The following KCNN2 variants were observed in gnomAD, a reference collection of about 807,000 sequenced individuals.
The protein encoded by KCNN2 is potassium calcium-activated channel subfamily N member 2.
KCNN2 carries 24 observed loss-of-function variants against 55.5 expected under a neutral mutation model. That is an observed-to-expected ratio of 0.43 (90% CI 0.31 to 0.61). The LOEUF (loss-of-function observed/expected upper bound fraction) is 0.61. KCNN2 is among the 20% of genes least tolerant of loss of function. The probability of loss-of-function intolerance (pLI) is 0.08; values close to 1 mark genes in which losing one functional copy is unlikely to be tolerated. For synonymous variants in KCNN2, 431 were observed against 336.1 expected (o/e 1.28, Z -3.09); for missense variants, 754 against 853.6 (o/e 0.88, Z 1.45).
intron 2 of KCNN2, among the ~76,000 whole-genome samples, chr5:114,336,711 T>C (rs952201401): frequency 6.6e-6 from 1 of 152,152 alleles, no homozygotes; most frequent in African/African-American, 2.4e-5. Context: ...AAATGCCTCT[T>C]TGAGAATGTA....
chr5:114,183,616 A>T (rs1753277615), intron 1 of KCNN2, among the ~76,000 whole-genome samples: 1 of 151,992 alleles, frequency 6.6e-6, no homozygotes, highest in African/African-American at 2.4e-5. Flanking sequence ...TAAGTGTTGA[A>T]TTTGCAGTGT....
intron 2 of KCNN2, 58 bp from the exon 3 acceptor site, chr5:114,404,380 T>G: frequency 7.1e-7 from 1 of 1,405,264 alleles, no homozygotes; most frequent in Non-Finnish European, 9.8e-7. Context: ...AAATCTGCAC[T>G]AACACTTGTG....
intron 2 of KCNN2, among the ~76,000 whole-genome samples, chr5:114,266,670 T>C (rs1755212402): frequency 6.6e-6 from 1 of 152,182 alleles, no homozygotes; most frequent in Non-Finnish European, 1.5e-5. Context: ...ATCCTGGGAC[T>C]GGGAGTGGGG....
Position 114,145,116 on chromosome 5 carries a change from G to A in KCNN2, c.-270-76364G>A, listed in dbSNP as rs573074785. 2.1e-4 allele frequency among the ~76,000 whole-genome samples: 32 copies of A among 152,304 alleles called. No individual in the cohort carries two copies. In the South Asian group the frequency reaches 5.0e-3, roughly 24 times the overall value. ...GGGAACAATGAGCCTTGGCTTTGGAGGGGCAACCCCTGCCCCTTTCCACTT... is the reference window on the plus strand; with the variant it reads ...GGGAACAATGAGCCTTGGCTTTGGAAGGGCAACCCCTGCCCCTTTCCACTT... On this transcript the variant is annotated intron_variant, in intron 1 of 10. Transcript: ENST00000512097.
intron 6 of KCNN2, among the ~76,000 whole-genome samples, chr5:114,490,280 A>G (rs1249276603): frequency 6.6e-6 from 1 of 152,184 alleles, no homozygotes; most frequent in Non-Finnish European, 1.5e-5. Context: ...AGTTGTCCTA[A>G]TTTGGAAAAG....
chr5:114,357,736 T>C (rs1354413608), upstream of KCNN2, among the ~76,000 whole-genome samples: 2 of 137,936 alleles, frequency 1.4e-5, no homozygotes, highest in African/African-American at 2.8e-5. Flanking sequence ...TCTTTGCTAT[T>C]GTGAATAATG....
At chr5:114,471,487 C>T (rs1334278807) in intron 4 of KCNN2, among the ~76,000 whole-genome samples, 10 of 152,056 alleles carry the variant, frequency 6.6e-5, no homozygotes, top group East Asian at 1.9e-4. Context: ...TTCATGTATA[C>T]GGAACCCATG....
At chr5:114,242,738 G>A (rs765667401) in intron 2 of KCNN2, among the ~76,000 whole-genome samples, 68 of 152,258 alleles carry the variant, frequency 4.5e-4, no homozygotes, top group Admixed American at 7.8e-4. Context: ...GAATAGAAAA[G>A]TATATTACTA....
rs772670260 is a variant in KCNN2, at chr5:114,362,857, G to A, written c.718G>A (p.Asp240Asn). 5.6e-6 allele frequency: 9 copies of A among 1,599,892 alleles called. No individual in the cohort carries two copies. The East Asian group carries it at 2.0e-4, about 36-fold the overall frequency. Reference protein sequence around the residue: ...SASRRNLHEMDSEAQPLQPPA... With the variant: ...SASRRNLHEMNSEAQPLQPPA... ...GTCCCGCCGGAACCTGCACGAGATG[G>A]ACTCAGAGGCGCAGCCCCTGCAGCC... The change falls in exon 1 of 8, where the codon GAC becomes AAC. Residue 240 changes from aspartate (D) to asparagine (N), a missense_variant. Transcript: ENST00000673685.
chr5:114,109,225 G>A (rs76681766), intron 1 of KCNN2, among the ~76,000 whole-genome samples: 1 of 152,022 alleles, frequency 6.6e-6, no homozygotes, highest in Non-Finnish European at 1.5e-5. Flanking sequence ...CTGTCTGAAG[G>A]CTGCTTTGAG....
At chr5:114,319,685 A>G (rs926189103) in intron 2 of KCNN2, among the ~76,000 whole-genome samples, 1 of 152,242 alleles carries the variant, frequency 6.6e-6, no homozygotes, top group African/African-American at 2.4e-5. Context: ...ATCTGAATGT[A>G]ATATAACACA....
chr5:114,192,198 G>A (rs1392131488), intron 1 of KCNN2, among the ~76,000 whole-genome samples: 1 of 152,142 alleles, frequency 6.6e-6, no homozygotes, highest in Non-Finnish European at 1.5e-5. Flanking sequence ...ATTACTAAAT[G>A]ATACTCACAT....
At chr5:114,173,196 C>T (rs971533522) in intron 1 of KCNN2, among the ~76,000 whole-genome samples, 5 of 151,934 alleles carry the variant, frequency 3.3e-5, no homozygotes, top group African/African-American at 1.2e-4. Context: ...TGTCTTTTCC[C>T]CAACATATGT....
intron 3 of KCNN2, among the ~76,000 whole-genome samples, chr5:114,415,744 T>C (rs1353228455): frequency 6.6e-6 from 1 of 152,230 alleles, no homozygotes; most frequent in Non-Finnish European, 1.5e-5. Flanking sequence ...ATTTGTCTTA[T>C]TAAATTTTAA....
chr5:114,062,388 C>T (rs2112512090), intron 1 of KCNN2, among the ~76,000 whole-genome samples: 1 of 152,286 alleles, frequency 6.6e-6, no homozygotes, highest in South Asian at 2.1e-4. Context: ...CCTCCACAGA[C>T]CTGTTACCAC....
At position 114,313,290 on chromosome 5, in the gene KCNN2, G is replaced by A. The variant is rs567367588; in HGVS notation, c.-184-47655G>A. Among the ~76,000 whole-genome samples the A allele has an allele frequency of 9.9e-5, 15 of 152,104 alleles. No homozygotes were observed. The East Asian group carries it at 2.7e-3, about 27-fold the overall frequency. Reference sequence around the variant, plus strand: ...AGAATCCTCAGTTATTAACTTCAAGGAACATTTAATTCCCCCCTCCACACA... The same window carrying A: ...AGAATCCTCAGTTATTAACTTCAAGAAACATTTAATTCCCCCCTCCACACA... On this transcript the variant is annotated intron_variant, in intron 2 of 10. Transcript: ENST00000512097.
rs147613566 is a variant in KCNN2, at chr5:114,459,564, A to AAAAT, written c.1638-3483_1638-3480dup. ...TTTTGTTTCTGAGTTGCTGAAAAAC[A>AAAAT]AAATAGGGGATTATTCTAATAGTAT... On this transcript the variant is annotated intron_variant, in intron 3 of 7. Coordinates refer to ENST00000673685, the MANE Select transcript of KCNN2 (RefSeq NM_021614.4). Among the ~76,000 whole-genome samples, 892 of 152,330 alleles carry AAAAT rather than the reference A, an allele frequency of 5.9e-3. 8 individuals are homozygous for AAAAT. The highest frequency in any genetic ancestry group is 0.02 in the African/African-American group (812 of 41,580).
chr5:114,389,908 C>G (rs1263427306), intron 2 of KCNN2, among the ~76,000 whole-genome samples: 4 of 152,076 alleles, frequency 2.6e-5, no homozygotes, highest in African/African-American at 9.7e-5. Flanking sequence ...CTTTTCAGTA[C>G]AGCCTGATGC....
At chr5:114,209,206 C>T (rs1260026679) in intron 1 of KCNN2, among the ~76,000 whole-genome samples, 1 of 151,948 alleles carries the variant, frequency 6.6e-6, no homozygotes, top group Non-Finnish European at 1.5e-5. Flanking sequence ...AGGCATGCAC[C>T]ACCACACCTG....
Sources: gnomAD v4.1 joint callset for allele counts (sites outside exome capture counted in the v4.1 genomes callset) on GRCh38, gnomAD v4.1.1 for gene constraint, MANE v1.5 for transcripts, NCBI Gene and HGNC (gene_info 2026-07-23, HGNC 2026-07-21) for gene names.